The following DOCK7 variants were observed in gnomAD, a reference collection of about 807,000 sequenced individuals.
DOCK7 encodes dedicator of cytokinesis 7.
A neutral mutation model predicts 271.0 loss-of-function variants in DOCK7; 138 were observed. The ratio of observed to expected loss-of-function variants is 0.51; its 90% CI spans 0.44 to 0.59. The LOEUF is 0.59. DOCK7 is among the 20% of genes least tolerant of loss of function. The pLI is 0.00. For missense variants in DOCK7, 2,066 were observed against 2,592.4 expected (o/e 0.80, Z 4.41); for synonymous variants, 823 against 876.1 (o/e 0.94, Z 1.07).
Position 62,603,225 on chromosome 1 carries a change from C to G in DOCK7, c.1682+15481G>C, listed in dbSNP as rs78261120. On this transcript the variant is annotated intron_variant, in intron 14 of 49. Transcript: ENST00000635253. ...ACTTAATTCTGGTAAGAAAGCAACC[C>G]ATTTGTACTTGTATTTACCAGCAAT... Among the ~76,000 whole-genome samples, 3 of 151,746 alleles carry G rather than the reference C, an allele frequency of 2.0e-5. No individual in the cohort carries two copies. In the East Asian group the frequency reaches 5.8e-4, roughly 29 times the overall value.
chr1:62,562,615 T>A (rs1646365263), intron 18 of DOCK7, among the ~76,000 whole-genome samples: 1 of 152,092 alleles, frequency 6.6e-6, no homozygotes. Context: ...TCCTGCTAAG[T>A]ACAGCTAAAA....
At chr1:62,492,581 CTG>C in intron 41 of DOCK7, 121 bp downstream of exon 41, 1 of 1,254,278 alleles carries the variant, frequency 8.0e-7, no homozygotes, top group Non-Finnish European at 1.1e-6. Flanking sequence ...AGCCACCATA[CTG>C]GGTCCAGAAT....
chr1:62,616,823 C>T (rs1426828851), intron 14 of DOCK7, among the ~76,000 whole-genome samples: 1 of 151,438 alleles, frequency 6.6e-6, no homozygotes, highest in Non-Finnish European at 1.5e-5. Context: ...AAATAAGACG[C>T]AAAAGATTAG....
intron 7 of DOCK7, among the ~76,000 whole-genome samples, chr1:62,645,173 T>G (rs960030924): frequency 6.6e-6 from 1 of 152,186 alleles, no homozygotes; most frequent in Admixed American, 6.5e-5. Context: ...ATGGAGTTAC[T>G]ATACTAACCA....
intron 1 of DOCK7, among the ~76,000 whole-genome samples, chr1:62,668,236 T>C (rs1026647873): frequency 1.3e-5 from 2 of 152,198 alleles, no homozygotes; most frequent in African/African-American, 4.8e-5. Flanking sequence ...AGGCAGGTCA[T>C]GCTATGTGCC....
At chr1:62,485,851 T>C in intron 43 of DOCK7, 1 of 255,248 alleles carries the variant, frequency 3.9e-6, no homozygotes, top group African/African-American at 2.3e-5. Flanking sequence ...GCAACAAATT[T>C]AGCAGCTACA....
chr1:62,578,729 A>AG, intron 17 of DOCK7, 99 bp downstream of exon 17: 1 of 1,000,306 alleles, frequency 1.0e-6, no homozygotes, highest in Admixed American at 3.4e-5. Flanking sequence ...AAAAAAAAAA[A>AG]AAAAAAAAAA....
At chr1:62,503,255 C>T (rs2149317806) in intron 37 of DOCK7, among the ~76,000 whole-genome samples, 1 of 151,590 alleles carries the variant, frequency 6.6e-6, no homozygotes, top group South Asian at 2.1e-4. Flanking sequence ...GTGTATTTAT[C>T]TAGTATATGT....
chr1:62,669,669 A>G (rs569091581), intron 1 of DOCK7, among the ~76,000 whole-genome samples: 1 of 152,382 alleles, frequency 6.6e-6, no homozygotes, highest in South Asian at 2.1e-4. Context: ...ATCTCCTTAC[A>G]AGGAATGAAG....
Position 62,619,808 on chromosome 1 carries a change from T to C in DOCK7, c.1519+92A>G, listed in dbSNP as rs530183967. The C allele has an allele frequency of 8.4e-5, 56 of 667,600 alleles. 1 individual carries two copies. In the African/African-American group the frequency reaches 1.1e-3, roughly 14 times the overall value. The allele number at this position is 667,600 out of a possible 1,614,324, so 41.4% of individuals were successfully genotyped here. A position where few individuals can be genotyped will look rare whatever the true frequency, so the allele number is the denominator to read the frequency against. ...GGCATAGAAAAATGTCTGGGCCAGA[T>C]AAATAAAAAAAAAAGATACATAATT... On this transcript the variant is annotated intron_variant, in intron 13 of 49. Transcript: ENST00000635253.
At chr1:62,609,996 A>G (rs1651555688) in intron 14 of DOCK7, among the ~76,000 whole-genome samples, 1 of 152,000 alleles carries the variant, frequency 6.6e-6, no homozygotes, top group Non-Finnish European at 1.5e-5. Context: ...GATTACAGGT[A>G]TGTGCCACCA....
At chr1:62,531,004 C>T (rs775578428) in intron 29 of DOCK7, 3 of 152,250 alleles carry the variant, frequency 2.0e-5, no homozygotes, top group African/African-American at 4.8e-5. Flanking sequence ...GGAAAGTATA[C>T]ATTTAAACAT....
chr1:62,634,875 C>A lies in DOCK7; in HGVS notation c.933G>T (p.Gly311=), dbSNP rs1281233857. The A allele has an allele frequency of 3.7e-6, 6 of 1,611,906 alleles. No homozygotes were observed. Among genetic ancestry groups the A allele is most frequent in the East Asian group, 2.2e-5 (1 of 44,766 alleles). Reference sequence around the variant, plus strand: ...CAGGTGGTACATGTGGACGTAACAACCCTTTCATCTGCTCAGAATTAAGGT... The same window carrying A: ...CAGGTGGTACATGTGGACGTAACAAACCTTTCATCTGCTCAGAATTAAGGT... ...YFDLNSEQMK[G]LLRPHVPPAA... is the part of the protein sequence containing the mutation. Residue 311 remains glycine, a synonymous_variant, in exon 9 of 50, where the codon GGG becomes GGT. Coordinates refer to ENST00000635253, the MANE Select transcript of DOCK7 (RefSeq NM_001367561.1).
rs566147540 is a variant in DOCK7 at position 62,594,393 on chromosome 1, G to A, written c.1683-7769C>T. On this transcript the variant is annotated intron_variant, in intron 14 of 49. Coordinates refer to ENST00000635253, the MANE Select transcript of DOCK7 (RefSeq NM_001367561.1). ...AGAATTATACAGATATTTATACCAA[G>A]AGACAATATACTAGAAACCAAGACT... 6.6e-5 allele frequency among the ~76,000 whole-genome samples: 10 copies of A among 152,136 alleles called. No individual in the cohort carries two copies. In the South Asian group the frequency reaches 2.1e-3, roughly 32 times the overall value.
chr1:62,649,732 G>A (rs1657103510), intron 4 of DOCK7, among the ~76,000 whole-genome samples: 1 of 152,206 alleles, frequency 6.6e-6, no homozygotes, highest in African/African-American at 2.4e-5. Flanking sequence ...CCATTTTTCT[G>A]ACTTGTTTCT....
At chr1:62,514,482 CAG>C (rs1475574202) in intron 31 of DOCK7, among the ~76,000 whole-genome samples, 2 of 152,060 alleles carry the variant, frequency 1.3e-5, no homozygotes, top group Admixed American at 1.3e-4. Flanking sequence ...GTATGTAAAA[CAG>C]AAATGAAAAA....
chr1:62,516,588 AT>A (rs1052509839), intron 31 of DOCK7, among the ~76,000 whole-genome samples: 2 of 152,174 alleles, frequency 1.3e-5, no homozygotes, highest in Non-Finnish European at 2.9e-5. Context: ...AGAGTTCTAC[AT>A]TTTCTAGGCC....
At chr1:62,619,789 G>GA in intron 13 of DOCK7, 111 bp downstream of exon 13, 1 of 581,632 alleles carries the variant, frequency 1.7e-6, no homozygotes, top group Non-Finnish European at 2.8e-6. Flanking sequence ...ATTGGGCATA[G>GA]AAAAATGTCT....
chr1:62,679,022 T>C (rs1245057000), intron 1 of DOCK7, among the ~76,000 whole-genome samples: 2 of 152,190 alleles, frequency 1.3e-5, no homozygotes, highest in East Asian at 1.9e-4. Context: ...ATGCATACTA[T>C]GTACCCACAA....
Sources: allele counts gnomAD v4.1 joint callset (sites outside exome capture counted in the v4.1 genomes callset), GRCh38; gene constraint gnomAD v4.1.1; transcripts MANE v1.5; gene names NCBI Gene and HGNC (gene_info 2026-07-23, HGNC 2026-07-21).